Variants in KLHL5 observed in about 807,000 individuals in gnomAD.
KLHL5 encodes the protein kelch like family member 5.
KLHL5 carries 48 observed loss-of-function variants against 77.7 expected under a neutral mutation model. That is an observed-to-expected ratio of 0.62 (90% CI 0.49 to 0.79). The LOEUF (loss-of-function observed/expected upper bound fraction) is 0.79, where lower values mean the gene tolerates loss of function less well. Ranked by LOEUF, KLHL5 falls within the 30% of genes least tolerant of loss-of-function variation. The pLI is 0.00. For missense variants in KLHL5, 723 were observed against 859.7 expected (o/e 0.84, Z 1.99); for synonymous variants, 260 against 297.0 (o/e 0.88, Z 1.28).
intron 9 of KLHL5, 59 bp downstream of exon 9, chr4:39,113,291 T>C: frequency 7.3e-7 from 1 of 1,364,960 alleles, no homozygotes; most frequent in South Asian, 1.3e-5. Flanking sequence ...CTCTGATACT[T>C]ACATATATTT....
intron 5 of KLHL5, among the ~76,000 whole-genome samples, chr4:39,093,725 G>A (rs879589141): frequency 1.3e-5 from 2 of 152,136 alleles, no homozygotes; most frequent in African/African-American, 2.4e-5. Flanking sequence ...AGCCAACATG[G>A]TGAAACCCTG....
At chr4:39,070,016 G>C (rs1053121252) in intron 1 of KLHL5, among the ~76,000 whole-genome samples, 5 of 152,114 alleles carry the variant, frequency 3.3e-5, no homozygotes, top group African/African-American at 9.7e-5. Context: ...TAGCGGAAAG[G>C]CCATTAACAG....
In KLHL5 at chr4:39,081,855, A is replaced by G. The variant is rs1257877434; in HGVS notation, c.704-108A>G. On this transcript the variant is annotated intron_variant, in intron 3 of 10. Coordinates refer to ENST00000504108, the MANE Select transcript of KLHL5 (RefSeq NM_015990.5). This position sits in a 1 kb window ranked among gnomAD's most constrained non-coding sequence, Gnocchi z 4.3. ...ATGTCTTAAACCATGTAGGTCTGTA[A>G]TGCATGTAATGAGCTCTTATATGGA... The G allele has an allele frequency of 2.8e-6, 2 of 719,972 alleles. No individual in the cohort carries two copies. The highest frequency in any genetic ancestry group is 2.1e-6 in the Non-Finnish European group (1 of 468,466). 44.6% of individuals were successfully genotyped at this position (719,972 alleles called of 1,614,324 possible). A position where few individuals can be genotyped will look rare whatever the true frequency, so the allele number is the denominator to read the frequency against.
At chr4:39,070,738 A>G (rs1718395991) in intron 1 of KLHL5, among the ~76,000 whole-genome samples, 1 of 152,200 alleles carries the variant, frequency 6.6e-6, no homozygotes, top group Non-Finnish European at 1.5e-5. Flanking sequence ...ATCCCAGGGG[A>G]AAAACGCCCT....
At chr4:39,048,751 C>G (rs1409882977) in intron 1 of KLHL5, among the ~76,000 whole-genome samples, 1 of 140,446 alleles carries the variant, frequency 7.1e-6, no homozygotes, top group Non-Finnish European at 1.5e-5. Flanking sequence ...TCAAGTGATT[C>G]TCCTGCCTCA....
In KLHL5 at chr4:39,049,788, AG is replaced by A. The variant is rs553909174; in HGVS notation, c.-95+4695del. 3.3e-5 allele frequency among the ~76,000 whole-genome samples: 5 copies of A among 151,858 alleles called. No homozygotes were observed. In the South Asian group the frequency reaches 1.0e-3, roughly 32 times the overall value. On this transcript the variant is annotated intron_variant, in intron 1 of 11. Coordinates refer to the KLHL5 transcript ENST00000261425. ...GCCTGTGAGGATAAAAAGATAAATGAGGGTCGGGCATAGTGGCTCACGCTTT... is the reference window on the plus strand; with the variant it reads ...GCCTGTGAGGATAAAAAGATAAATGAGGTCGGGCATAGTGGCTCACGCTTT...
chr4:39,119,032 G>T (rs1723040824), intron 10 of KLHL5, among the ~76,000 whole-genome samples: 1 of 152,122 alleles, frequency 6.6e-6, no homozygotes, highest in Non-Finnish European at 1.5e-5. Flanking sequence ...AAATAGTTGT[G>T]AATGACACCC....
the KLHL5 span, among the ~76,000 whole-genome samples, chr4:39,138,847 C>A: frequency 6.6e-6 from 1 of 152,104 alleles, no homozygotes; most frequent in South Asian, 2.1e-4. Flanking sequence ...AAAATAAATA[C>A]ATAAATTGAA....
intron 1 of KLHL5, among the ~76,000 whole-genome samples, chr4:39,049,082 C>T (rs1269749922): frequency 6.6e-6 from 1 of 152,164 alleles, no homozygotes; most frequent in Non-Finnish European, 1.5e-5. Context: ...AAGAGGAGAA[C>T]TGGAATAGTC....
At chr4:39,049,210 A>C (rs1237575075) in intron 1 of KLHL5, among the ~76,000 whole-genome samples, 1 of 152,268 alleles carries the variant, frequency 6.6e-6, no homozygotes, top group Admixed American at 6.5e-5. Context: ...AATAGAAAAC[A>C]GCATTTCTTT....
rs538171904 is a variant in KLHL5 at position 39,101,693 on chromosome 4, C to G, written c.1301-1594C>G. Among the ~76,000 whole-genome samples the G allele has an allele frequency of 4.0e-5, 6 of 151,584 alleles. No homozygotes were observed. In the South Asian group the frequency reaches 1.3e-3, roughly 32 times the overall value. ...CAAAACCCTGTTTCTACTAAAAATA[C>G]AAAATATTAGTTGGGAGTGGTGGTA... On this transcript the variant is annotated intron_variant, in intron 6 of 10. Transcript: ENST00000504108.
chr4:39,107,078 C>T (rs1034847733), intron 7 of KLHL5, among the ~76,000 whole-genome samples: 3 of 145,724 alleles, frequency 2.1e-5, no homozygotes, highest in African/African-American at 7.7e-5. Flanking sequence ...GACGGAGTCT[C>T]ACTCTGTTGC....
Position 39,113,154 on chromosome 4 carries a change from A to C in KLHL5, c.1823A>C (p.Asn608Thr). The change falls in exon 9 of 11, where the codon AAT becomes ACT. Residue 608 changes from asparagine to threonine, a missense_variant. Physicochemically the swap from Asn to Thr is moderately conservative, Grantham distance 65 (BLOSUM62 0). Transcript: ENST00000504108. ...RRGGVGVTTWNGLLYAIGGHD... is the reference protein window; with the variant it reads ...RRGGVGVTTWTGLLYAIGGHD... ...GGTGGCGTAGGAGTGACGACCTGGA[A>C]TGGACTGCTGTATGCTATAGGGGGG... is the stretch of plus-strand genomic sequence containing the variant. The C allele has an allele frequency of 6.2e-7, 1 of 1,614,188 alleles. No homozygotes were observed. Among genetic ancestry groups the C allele is most frequent in the Non-Finnish European group, 8.5e-7 (1 of 1,180,006 alleles).
At chr4:39,134,347 A>G in the KLHL5 span, among the ~76,000 whole-genome samples, 1 of 152,270 alleles carries the variant, frequency 6.6e-6, no homozygotes. Flanking sequence ...CACTGTACTA[A>G]GTAAGCATTT....
rs370063259 is a variant in KLHL5, at chr4:39,102,213, C to T, written c.1301-1074C>T. On this transcript the variant is annotated intron_variant, in intron 6 of 10. Coordinates refer to ENST00000504108, the MANE Select transcript of KLHL5 (RefSeq NM_015990.5). ...CAAGATTATAATTCTATAAGGCTAG[C>T]GCGGCTTACATGATGTATTAGAAGC... Among the ~76,000 whole-genome samples, 375 of 151,610 alleles carry T rather than the reference C, an allele frequency of 2.5e-3. 2 individuals carry two copies. The highest frequency in any genetic ancestry group is 8.4e-3 in the African/African-American group (350 of 41,434).
At chr4:39,136,005 CGTGTGTGT>C in the KLHL5 span, among the ~76,000 whole-genome samples, 454 of 146,016 alleles carry the variant, frequency 3.1e-3, 2 homozygotes, top group African/African-American at 0.011. Context: ...CATTCTAACA[CGTGTGTGT>C]GTGTGTGTGT....
At chr4:39,140,053 C>T in the KLHL5 span, among the ~76,000 whole-genome samples, 1 of 152,032 alleles carries the variant, frequency 6.6e-6, no homozygotes, top group African/African-American at 2.4e-5. Flanking sequence ...ATGGCAAAAC[C>T]CCATCTCTAA....
intron 1 of KLHL5, among the ~76,000 whole-genome samples, chr4:39,066,822 T>G (rs141595286): frequency 5.3e-5 from 8 of 152,356 alleles, no homozygotes; most frequent in African/African-American, 1.9e-4. Flanking sequence ...ATTATCAACC[T>G]AATTCTAATT....
chr4:39,141,520 C>T, the KLHL5 span, among the ~76,000 whole-genome samples: 2 of 151,918 alleles, frequency 1.3e-5, no homozygotes, highest in Non-Finnish European at 2.9e-5. Flanking sequence ...ACCGTGTTAG[C>T]CAGGATGGTC....
Sources: allele counts gnomAD v4.1 joint callset (sites outside exome capture counted in the v4.1 genomes callset), GRCh38; gene constraint gnomAD v4.1.1; non-coding constraint Gnocchi (gnomAD v3.1); transcripts MANE v1.5; gene names NCBI Gene and HGNC (gene_info 2026-07-23, HGNC 2026-07-21).